The following SP2 variants were observed in gnomAD, a reference collection of about 807,000 sequenced individuals.
SP2 encodes the protein Sp2 transcription factor.
Under a neutral mutation model 50.1 loss-of-function variants are expected in SP2, and 9 were observed. The ratio of observed to expected loss-of-function variants is 0.18; its 90% CI spans 0.11 to 0.31. The LOEUF is 0.31. Among genes scored for constraint, SP2 ranks in the 10% least tolerant of loss-of-function variants. The pLI, the probability that SP2 is intolerant of heterozygous loss-of-function variation, is 1.00. For missense variants in SP2, 581 were observed against 806.5 expected (o/e 0.72, Z 3.39); for synonymous variants, 313 against 326.6 (o/e 0.96, Z 0.45).
chr17:47,896,276 A>G lies in SP2; in HGVS notation c.-11A>G, dbSNP rs2034323548. The G allele has an allele frequency of 1.6e-6, 2 of 1,238,388 alleles. No individual in the cohort carries two copies. The highest frequency in any genetic ancestry group is 6.3e-5 in the East Asian group (2 of 31,600). 76.7% of individuals were successfully genotyped at this position (1,238,388 alleles called of 1,614,324 possible). A position where few individuals can be genotyped will look rare whatever the true frequency, so the allele number is the denominator to read the frequency against. On this transcript the variant is annotated 5_prime_UTR_variant, in exon 1 of 7. Coordinates refer to ENST00000376741, the MANE Select transcript of SP2 (RefSeq NM_003110.6). ...GCGGAGGCGGCGGAGGCCAGGGAGG[A>G]AGATGTCGTAATGAGCGGTGGGTCC...
At chr17:47,926,074 AC>A (rs2035637419) in intron 6 of SP2, among the ~76,000 whole-genome samples, 1 of 151,136 alleles carries the variant, frequency 6.6e-6, no homozygotes, top group South Asian at 2.1e-4. Context: ...CCACCACCAC[AC>A]CCAGCTAATT....
intron 3 of SP2, among the ~76,000 whole-genome samples, chr17:47,920,581 C>T (rs543686937): frequency 9.2e-5 from 14 of 152,154 alleles, no homozygotes; most frequent in South Asian, 2.1e-4. Flanking sequence ...CCACCGCACC[C>T]GGCCAATTTT....
intron 1 of SP2, among the ~76,000 whole-genome samples, chr17:47,906,111 A>G (rs2034750618): frequency 6.6e-6 from 1 of 152,158 alleles, no homozygotes; most frequent in Admixed American, 6.5e-5. Context: ...TTCTAACCAA[A>G]TTGTGGAGGC....
chr17:47,899,814 T>C (rs2034469079), intron 1 of SP2: 1 of 152,288 alleles, frequency 6.6e-6, no homozygotes, highest in Non-Finnish European at 1.5e-5. Context: ...TCTTGGGAGA[T>C]GAGCTCTGCT....
At chr17:47,908,949 T>TGATTCCA (rs1292586419) in intron 1 of SP2, among the ~76,000 whole-genome samples, 1 of 152,218 alleles carries the variant, frequency 6.6e-6, no homozygotes, top group Non-Finnish European at 1.5e-5. Context: ...TCTGGTTAAG[T>TGATTCCA]GATTCCAGAG....
chr17:47,916,569 C>A lies in SP2; in HGVS notation c.498C>A (p.Ile166=). Residue 166 remains isoleucine (I), a synonymous_variant, in exon 3 of 7, where the codon ATC becomes ATA. Transcript: ENST00000376741. The surrounding 1 kb of genome is among the most constrained non-coding windows in gnomAD (Gnocchi z 4.7). The stretch of plus-strand genomic sequence containing the variant: ...TCATCCCTGGCACCAACCAAGCCAT[C>A]ATCACCCCCTCACCGTCCAGTCACA... The part of the protein sequence containing the change: ...IQIIPGTNQA[I]ITPSPSSHKP... The A allele has an allele frequency of 6.2e-7, 1 of 1,614,190 alleles. No individual in the cohort carries two copies.
intron 1 of SP2, among the ~76,000 whole-genome samples, chr17:47,909,165 C>T (rs2034881927): frequency 6.6e-6 from 1 of 152,184 alleles, no homozygotes; most frequent in Admixed American, 6.6e-5. Flanking sequence ...TTTAAAATGT[C>T]CCTCAGAACA....
At chr17:47,924,855 A>G (rs2035585989) in intron 4 of SP2, 64 bp from the exon 5 acceptor site, 1 of 1,434,966 alleles carries the variant, frequency 7.0e-7, no homozygotes, top group African/African-American at 1.4e-5. Flanking sequence ...GCAGAAGGGC[A>G]GAAGGGTTGA....
intron 6 of SP2, 23 bp downstream of exon 6, chr17:47,925,564 C>T: frequency 6.3e-7 from 1 of 1,596,822 alleles, no homozygotes; most frequent in Non-Finnish European, 8.6e-7. Flanking sequence ...CCTTCGGGAC[C>T]CTCCACCCAC....
At chr17:47,903,016 A>G (rs1271605827) in intron 1 of SP2, among the ~76,000 whole-genome samples, 5 of 152,226 alleles carry the variant, frequency 3.3e-5, no homozygotes, top group Non-Finnish European at 5.9e-5. Flanking sequence ...TCGGCCGCCC[A>G]AAGTGCTGGG....
chr17:47,910,351 TG>T (rs1406215592), intron 1 of SP2, among the ~76,000 whole-genome samples: 1 of 152,236 alleles, frequency 6.6e-6, no homozygotes, highest in African/African-American at 2.4e-5. Context: ...TGCATGAGCA[TG>T]GGACAGAAAT....
chr17:47,902,222 G>C (rs2034570748), intron 1 of SP2, among the ~76,000 whole-genome samples: 1 of 152,118 alleles, frequency 6.6e-6, no homozygotes, highest in African/African-American at 2.4e-5. Flanking sequence ...GCCATACTTG[G>C]TATGTTCAGG....
At chr17:47,918,889 C>T (rs2035320530) in intron 3 of SP2, among the ~76,000 whole-genome samples, 1 of 152,148 alleles carries the variant, frequency 6.6e-6, no homozygotes, top group South Asian at 2.1e-4. Flanking sequence ...TTGTGTTGCC[C>T]TTGCACTACA....
chr17:47,922,745 C>T (rs1019462274), intron 3 of SP2, among the ~76,000 whole-genome samples: 4 of 152,146 alleles, frequency 2.6e-5, no homozygotes, highest in African/African-American at 4.8e-5. Flanking sequence ...GTAAATTCAA[C>T]GTTTGGTTTC....
In SP2 at chr17:47,923,264, C is replaced by G. The variant is rs1299481792; in HGVS notation, c.1362C>G (p.Thr454=). 1.4e-5 allele frequency: 22 copies of G among 1,601,928 alleles called. No homozygotes were observed. The highest frequency in any genetic ancestry group is 1.9e-5 in the Non-Finnish European group (22 of 1,178,300). The part of the protein sequence containing the change: ...VQVQGVPVTI[T]NTGGQQQLTV... ...TCCAGGGCGTGCCTGTCACCATCAC[C>G]AACACAGGCGGTGAGGATGGCCCCT... Residue 454 remains threonine, a synonymous_variant, in exon 4 of 7, where the codon ACC becomes ACG. Transcript: ENST00000376741.
At chr17:47,920,707 C>T (rs2144023309) in intron 3 of SP2, among the ~76,000 whole-genome samples, 4 of 152,326 alleles carry the variant, frequency 2.6e-5, no homozygotes, top group African/African-American at 9.6e-5. Context: ...AGGCTCGAGC[C>T]ACCACACCCA....
chr17:47,897,162 T>A (rs1413591915), intron 1 of SP2, among the ~76,000 whole-genome samples: 2 of 152,234 alleles, frequency 1.3e-5, no homozygotes, highest in African/African-American at 2.4e-5. Flanking sequence ...TGTACCCACC[T>A]CCATCCCCAT....
chr17:47,927,760 G>A lies in SP2; in HGVS notation c.1778G>A (p.Arg593His). ...TTCGAGTGCGCCCAGTGTCAGAAGC[G>A]CTTCATGAGGAGTGACCACCTCACC... ...KRFECAQCQK[R>H]FMRSDHLTKH... Residue 593 changes from arginine (R) to histidine (H), a missense_variant, in exon 7 of 7, where the codon CGC (arginine) becomes CAC (histidine). Coordinates refer to ENST00000376741, the MANE Select transcript of SP2 (RefSeq NM_003110.6). 5 of 1,596,788 alleles carry A rather than the reference G, an allele frequency of 3.1e-6. No individual in the cohort carries two copies. The highest frequency in any genetic ancestry group is 4.3e-6 in the Non-Finnish European group (5 of 1,171,420).
chr17:47,920,752 C>T (rs998744137), intron 3 of SP2, among the ~76,000 whole-genome samples: 1 of 152,156 alleles, frequency 6.6e-6, no homozygotes, highest in African/African-American at 2.4e-5. Flanking sequence ...CTCTGACAGG[C>T]TCTCATTCTT....
Sources: gnomAD v4.1 joint callset for allele counts (sites outside exome capture counted in the v4.1 genomes callset) on GRCh38, gnomAD v4.1.1 for gene constraint, Gnocchi (gnomAD v3.1) non-coding constraint, MANE v1.5 for transcripts, NCBI Gene and HGNC (gene_info 2026-07-23, HGNC 2026-07-21) for gene names.